WDR7: variants seen among roughly 807,000 people sequenced by gnomAD.
WDR7 encodes the protein WD repeat-containing protein 7.
Under a neutral mutation model 169.4 loss-of-function variants are expected in WDR7, and 46 were observed. The ratio of observed to expected loss-of-function variants is 0.27; its 90% CI spans 0.21 to 0.35. WDR7 has a LOEUF of 0.35. WDR7 is among the 10% of genes least tolerant of loss of function. WDR7 has a pLI of 1.00. For synonymous variants in WDR7, 612 were observed against 666.8 expected (o/e 0.92, Z 1.27); for missense variants, 1,534 against 1,859.3 (o/e 0.83, Z 3.22).
At chr18:56,940,474 T>C (rs1389886713) in intron 25 of WDR7, among the ~76,000 whole-genome samples, 4 of 152,224 alleles carry the variant, frequency 2.6e-5, no homozygotes, top group African/African-American at 9.6e-5. Context: ...TACTGTAGCA[T>C]ACCTGTTTAC....
chr18:56,676,046 G>T (rs1387427677), intron 2 of WDR7, among the ~76,000 whole-genome samples: 1 of 151,970 alleles, frequency 6.6e-6, no homozygotes, highest in Non-Finnish European at 1.5e-5. Context: ...TTATATATCT[G>T]GGTGCTCTGG....
chr18:56,667,208 A>T (rs191099789), intron 1 of WDR7, among the ~76,000 whole-genome samples: 50 of 152,262 alleles, frequency 3.3e-4, no homozygotes, highest in Admixed American at 2.9e-3. Context: ...TTTGGAAAGC[A>T]ATAGTCTTCT....
In WDR7 at chr18:57,027,746, A is replaced by G. The variant is rs1036086841; in HGVS notation, c.*539A>G. 6.5e-6 allele frequency: 1 copy of G among 153,270 alleles called. No homozygotes were observed. Among genetic ancestry groups the G allele is most frequent in the Non-Finnish European group, 1.5e-5 (1 of 68,556 alleles). The allele number at this position is 153,270 out of a possible 1,614,324, so 9.5% of individuals were successfully genotyped here. ...ATGTTCTTTTCTTCTGGTGATTGCT[A>G]GGAAATTACTCAATCCAATTTCCTA... On this transcript the variant is annotated 3_prime_UTR_variant, in exon 28 of 28. Coordinates refer to ENST00000254442, the MANE Select transcript of WDR7 (RefSeq NM_015285.3).
chr18:56,887,577 T>C (rs2046214010), intron 21 of WDR7, among the ~76,000 whole-genome samples: 1 of 152,176 alleles, frequency 6.6e-6, no homozygotes, highest in Admixed American at 6.5e-5. Context: ...TTTTTTTCCT[T>C]TCTTGTTCTT....
rs76124190 is a variant in WDR7, at chr18:56,763,641, T to A, written c.2848+4688T>A. 1.2e-3 allele frequency among the ~76,000 whole-genome samples: 188 copies of A among 152,316 alleles called. 3 individuals are homozygous for A. In the East Asian group the frequency reaches 0.031, roughly 25 times the overall value. On this transcript the variant is annotated intron_variant, in intron 16 of 27. Transcript: ENST00000254442. ...TTAGGAAGTAGCCCCTTTCCCTGTA[T>A]TTTCTGGACGGGTGAGTGTAGGTTG...
intron 2 of WDR7, among the ~76,000 whole-genome samples, chr18:56,676,547 G>T (rs1188608565): frequency 6.6e-6 from 1 of 151,982 alleles, no homozygotes; most frequent in African/African-American, 2.4e-5. Context: ...TGTATCCATT[G>T]TATGTTTTTT....
chr18:56,960,390 G>C (rs914717360), intron 25 of WDR7, among the ~76,000 whole-genome samples: 1 of 152,140 alleles, frequency 6.6e-6, no homozygotes, highest in Non-Finnish European at 1.5e-5. Context: ...GGGTTATTTT[G>C]GGGGTAATTA....
chr18:56,657,970 G>A (rs2024815191), intron 1 of WDR7, among the ~76,000 whole-genome samples: 2 of 151,872 alleles, frequency 1.3e-5, no homozygotes, highest in Non-Finnish European at 2.9e-5. Flanking sequence ...GAGTTAGTGG[G>A]AGCCATAAAA....
chr18:56,737,954 G>T (rs889422658), intron 14 of WDR7, among the ~76,000 whole-genome samples: 2 of 152,100 alleles, frequency 1.3e-5, no homozygotes, highest in Non-Finnish European at 2.9e-5. Context: ...TGAGTATGTT[G>T]ATAATATATT....
intron 25 of WDR7, among the ~76,000 whole-genome samples, chr18:56,955,523 TA>T (rs2047238785): frequency 6.6e-6 from 1 of 152,208 alleles, no homozygotes; most frequent in South Asian, 2.1e-4. Context: ...TATATAAATT[TA>T]AAATATTCTG....
intron 13 of WDR7, among the ~76,000 whole-genome samples, chr18:56,725,251 C>A (rs1342312770): frequency 6.6e-6 from 1 of 150,752 alleles, no homozygotes; most frequent in Non-Finnish European, 1.5e-5. Context: ...AATGGTTGAA[C>A]TAGTTTACAG....
intron 13 of WDR7, among the ~76,000 whole-genome samples, chr18:56,723,218 G>C (rs1425340295): frequency 8.0e-6 from 1 of 125,144 alleles, no homozygotes; most frequent in East Asian, 2.3e-4. Flanking sequence ...TTTTTTTTTT[G>C]TTTAAAACAA....
At chr18:56,653,509 A>C (rs1469265682) in intron 1 of WDR7, among the ~76,000 whole-genome samples, 4 of 152,110 alleles carry the variant, frequency 2.6e-5, no homozygotes, top group African/African-American at 9.7e-5. Context: ...ATCCAGTCTC[A>C]TTCATTGTTT....
At chr18:56,787,523 A>T (rs996364505) in intron 19 of WDR7, among the ~76,000 whole-genome samples, 1 of 152,202 alleles carries the variant, frequency 6.6e-6, no homozygotes, top group Non-Finnish European at 1.5e-5. Flanking sequence ...TATTGATGTC[A>T]TCAGAAAGCA....
intron 20 of WDR7, among the ~76,000 whole-genome samples, chr18:56,816,644 A>C (rs1045934181): frequency 1.3e-5 from 2 of 152,180 alleles, no homozygotes; most frequent in Non-Finnish European, 2.9e-5. Flanking sequence ...TTTCACATGA[A>C]GTGAAATTTA....
rs192241569 is a variant in WDR7 at position 56,753,333 on chromosome 18, A to T, written c.1990-3250A>T. The T allele has an allele frequency of 2.0e-5, 3 of 152,336 alleles. No individual in the cohort carries two copies. The East Asian group carries it at 5.8e-4, about 29-fold the overall frequency. The allele number at this position is 152,336 out of a possible 1,614,324, so 9.4% of individuals were successfully genotyped here. A position where few individuals can be genotyped will look rare whatever the true frequency, so the allele number is the denominator to read the frequency against. On this transcript the variant is annotated intron_variant, in intron 14 of 27. Transcript: ENST00000254442. ...CACTACACTTGGACCAGCCAATTTT[A>T]TATAATTTTCATAATAGTCTTTGTT... is the stretch of plus-strand genomic sequence containing the variant.
At chr18:56,812,444 G>T (rs2044885692) in intron 19 of WDR7, among the ~76,000 whole-genome samples, 1 of 152,152 alleles carries the variant, frequency 6.6e-6, no homozygotes, top group African/African-American at 2.4e-5. Context: ...AGAACCAAAA[G>T]AATAGATAGA....
At chr18:56,895,131 T>C (rs1225684652) in intron 21 of WDR7, among the ~76,000 whole-genome samples, 1 of 151,984 alleles carries the variant, frequency 6.6e-6, no homozygotes, top group Non-Finnish European at 1.5e-5. Context: ...ATGGACATTT[T>C]AGCAAATGTA....
intron 12 of WDR7, 67 bp from the exon 13 acceptor site, chr18:56,717,897 T>C: frequency 4.1e-6 from 6 of 1,449,412 alleles, no homozygotes; most frequent in Non-Finnish European, 5.5e-6. Context: ...CCTTAAGTTA[T>C]TGAAAACAGG....
Sources: allele counts gnomAD v4.1 joint callset (sites outside exome capture counted in the v4.1 genomes callset), GRCh38; gene constraint gnomAD v4.1.1; transcripts MANE v1.5; gene names NCBI Gene and HGNC (gene_info 2026-07-23, HGNC 2026-07-21).